The following JMJD1C variants were observed in gnomAD, a reference collection of about 807,000 sequenced individuals.
JMJD1C encodes the protein jumonji domain containing 1C.
JMJD1C carries 31 observed loss-of-function variants against 245.3 expected under a neutral mutation model. The observed-to-expected ratio is 0.13, with a 90% CI of 0.09 to 0.17. The LOEUF is 0.17. Among genes scored for constraint, JMJD1C ranks in the 10% least tolerant of loss-of-function variants. JMJD1C has a pLI of 1.00. For missense variants in JMJD1C, 2,691 were observed against 3,000.2 expected (o/e 0.90, Z 2.41); for synonymous variants, 1,057 against 1,017.4 (o/e 1.04, Z -0.74).
chr10:63,500,150 G>A (rs1954499540), intron 1 of JMJD1C, among the ~76,000 whole-genome samples: 2 of 152,198 alleles, frequency 1.3e-5, no homozygotes, highest in Non-Finnish European at 2.9e-5. Flanking sequence ...GGCCAGGCAT[G>A]GTCGCTCATG....
chr10:63,174,096 GA>G (rs1181730160), intron 24 of JMJD1C, among the ~76,000 whole-genome samples: 2 of 152,196 alleles, frequency 1.3e-5, no homozygotes, highest in African/African-American at 4.8e-5. Flanking sequence ...ACTGGGAAAT[GA>G]AAATGGAACA....
chr10:63,279,113 G>T (rs913250625), intron 2 of JMJD1C, among the ~76,000 whole-genome samples: 1 of 151,712 alleles, frequency 6.6e-6, no homozygotes, highest in Non-Finnish European at 1.5e-5. Flanking sequence ...TCTCCGGTGT[G>T]TTGGCGGGCG....
At chr10:63,311,818 C>G (rs929054782) in intron 2 of JMJD1C, among the ~76,000 whole-genome samples, 2 of 152,096 alleles carry the variant, frequency 1.3e-5, no homozygotes, top group African/African-American at 4.8e-5. Flanking sequence ...AGTACAAGAA[C>G]ACTTTTATTT....
intron 1 of JMJD1C, among the ~76,000 whole-genome samples, chr10:63,484,256 A>G (rs867573060): frequency 1.6e-3 from 105 of 66,980 alleles, no homozygotes; most frequent in South Asian, 7.8e-3. Flanking sequence ...ATAGATAGAT[A>G]GATAGATAGA....
chr10:63,199,525 T>A (rs1258101797), intron 11 of JMJD1C, among the ~76,000 whole-genome samples: 1 of 152,186 alleles, frequency 6.6e-6, no homozygotes, highest in Non-Finnish European at 1.5e-5. Context: ...CTTTTTGTCA[T>A]AACCCAGCAT....
chr10:63,233,790 CCAG>C (rs747453997), intron 3 of JMJD1C, among the ~76,000 whole-genome samples: 9 of 143,112 alleles, frequency 6.3e-5, no homozygotes, highest in South Asian at 4.8e-4. Context: ...CACACCACCA[CCAG>C]GATATATAAC....
intron 2 of JMJD1C, among the ~76,000 whole-genome samples, chr10:63,316,104 T>C (rs72835348): frequency 0.019 from 2,825 of 151,506 alleles, 43 homozygotes; most frequent in Non-Finnish European, 0.03. Flanking sequence ...GCTGAGACTA[T>C]GAAGCTGCAG....
chr10:63,470,491 T>C (rs368171270), upstream of JMJD1C, among the ~76,000 whole-genome samples: 7 of 152,172 alleles, frequency 4.6e-5, no homozygotes, highest in Non-Finnish European at 7.4e-5. Flanking sequence ...AGGTTTTTCC[T>C]GGGAAAATTT....
At chr10:63,196,655 A>G (rs1444291278) in intron 13 of JMJD1C, among the ~76,000 whole-genome samples, 2 of 152,242 alleles carry the variant, frequency 1.3e-5, no homozygotes, top group Admixed American at 1.3e-4. Context: ...CAGACAATCT[A>G]TACTAAGTAC....
intron 1 of JMJD1C, chr10:63,427,170 A>AT (rs141750581): frequency 0.058 from 8,985 of 156,248 alleles, 431 homozygotes; most frequent in African/African-American, 0.13. Flanking sequence ...CTGCTTGGGC[A>AT]TGGTGCAGTG....
At chr10:63,465,307 G>A (rs949980117) in intron 1 of JMJD1C, 188 bp downstream of exon 1, 1 of 645,978 alleles carries the variant, frequency 1.5e-6, no homozygotes, top group Non-Finnish European at 2.6e-6. Context: ...ACCTCCACAG[G>A]GGAAGCCGCT....
chr10:63,369,710 A>G (rs1412991306), intron 2 of JMJD1C, among the ~76,000 whole-genome samples: 1 of 152,242 alleles, frequency 6.6e-6, no homozygotes, highest in Non-Finnish European at 1.5e-5. Context: ...TTTTGCTTTA[A>G]GAGTGTAGGC....
At chr10:63,437,760 T>C (rs746751683) in intron 1 of JMJD1C, among the ~76,000 whole-genome samples, 1 of 152,184 alleles carries the variant, frequency 6.6e-6, no homozygotes, top group Non-Finnish European at 1.5e-5. Context: ...CTGATCAAGG[T>C]TACCAATGAC....
chr10:63,280,849 C>T (rs991340471), intron 2 of JMJD1C, among the ~76,000 whole-genome samples: 1 of 152,142 alleles, frequency 6.6e-6, no homozygotes, highest in African/African-American at 2.4e-5. Context: ...AAAGTAACAT[C>T]TCCCATTTTA....
chr10:63,371,372 T>C (rs1268920435), intron 2 of JMJD1C, among the ~76,000 whole-genome samples: 1 of 152,210 alleles, frequency 6.6e-6, no homozygotes, highest in Non-Finnish European at 1.5e-5. Context: ...GTATGTACAA[T>C]TATCACTTTT....
chr10:63,300,168 A>T (rs1859913421), intron 2 of JMJD1C, among the ~76,000 whole-genome samples: 1 of 152,212 alleles, frequency 6.6e-6, no homozygotes, highest in South Asian at 2.1e-4. Flanking sequence ...TCAAGTTAAT[A>T]CACTCAGGCA....
chr10:63,209,262 C>A, intron 8 of JMJD1C, 27 bp from the exon 9 acceptor site: 1 of 1,563,968 alleles, frequency 6.4e-7, no homozygotes, highest in East Asian at 2.3e-5. Flanking sequence ...ACAAAAAAAA[C>A]ACCTAGATTT....
chr10:63,401,408 C>T (rs1049953597), intron 1 of JMJD1C, among the ~76,000 whole-genome samples: 1 of 151,914 alleles, frequency 6.6e-6, no homozygotes, highest in Non-Finnish European at 1.5e-5. Context: ...TTTTTAGATA[C>T]TGTACTTTTT....
chr10:63,450,471 A>C (rs1361583850), intron 1 of JMJD1C, among the ~76,000 whole-genome samples: 1 of 152,232 alleles, frequency 6.6e-6, no homozygotes, highest in Non-Finnish European at 1.5e-5. Context: ...AGAAATTAAA[A>C]AAAAATTATA....
Sources: allele counts gnomAD v4.1 joint callset (sites outside exome capture counted in the v4.1 genomes callset), GRCh38; gene constraint gnomAD v4.1.1; transcripts MANE v1.5; gene names NCBI Gene and HGNC (gene_info 2026-07-23, HGNC 2026-07-21).